Variants in SLC44A5 observed in about 807,000 individuals in gnomAD.
The protein encoded by SLC44A5 is solute carrier family 44 member 5.
SLC44A5 carries 57 observed loss-of-function variants against 101.8 expected under a neutral mutation model. The observed-to-expected ratio is 0.56, with a 90% CI of 0.45 to 0.70. SLC44A5 has a LOEUF of 0.70. SLC44A5 is among the 30% of genes least tolerant of loss of function. The pLI, the probability that SLC44A5 is intolerant of heterozygous loss-of-function variation, is 0.00. For synonymous variants in SLC44A5, 281 were observed against 290.9 expected (o/e 0.97, Z 0.35); for missense variants, 737 against 853.1 (o/e 0.86, Z 1.70).
chr1:75,500,141 A>G (rs1452997262), intron 2 of SLC44A5, among the ~76,000 whole-genome samples: 1 of 152,196 alleles, frequency 6.6e-6, no homozygotes, highest in Non-Finnish European at 1.5e-5. Flanking sequence ...TTGTGAACCC[A>G]ATATTGCTAT....
chr1:75,629,399 GAAAT>G, the SLC44A5 span, among the ~76,000 whole-genome samples: 1 of 152,174 alleles, frequency 6.6e-6, no homozygotes, highest in Non-Finnish European at 1.5e-5. Flanking sequence ...TTGATTAGAA[GAAAT>G]AATCCAAAGC....
rs184919148 is a variant in SLC44A5 at position 75,238,194 on chromosome 1, C to T, written c.656+319G>A. Among the ~76,000 whole-genome samples, 435 of 148,170 alleles carry T rather than the reference C, an allele frequency of 2.9e-3. 3 individuals are homozygous for T. Among genetic ancestry groups the T allele is most frequent in the African/African-American group, 9.8e-3 (397 of 40,370 alleles). On this transcript the variant is annotated intron_variant, in intron 10 of 23. Coordinates refer to ENST00000370859, the MANE Select transcript of SLC44A5 (RefSeq NM_001130058.2). ...TTTTAAATCCCAGCTAGTCAGGAGGCTGGGGAAGGAGAATTGCTTGAACCG... is the reference window on the plus strand; with the variant it reads ...TTTTAAATCCCAGCTAGTCAGGAGGTTGGGGAAGGAGAATTGCTTGAACCG...
the SLC44A5 span, among the ~76,000 whole-genome samples, chr1:75,721,535 C>A: frequency 2.0e-5 from 3 of 152,210 alleles, no homozygotes; most frequent in Admixed American, 2.0e-4. Flanking sequence ...TGGCTTACAC[C>A]ATCACCAATA....
At chr1:75,650,786 A>AT in the SLC44A5 span, among the ~76,000 whole-genome samples, 1 of 152,026 alleles carries the variant, frequency 6.6e-6, no homozygotes, top group African/African-American at 2.4e-5. Flanking sequence ...CACCCAGCTA[A>AT]TTTTTTTGTT....
chr1:75,344,929 G>T (rs965996615), intron 3 of SLC44A5, among the ~76,000 whole-genome samples: 9 of 152,088 alleles, frequency 5.9e-5, no homozygotes, highest in Non-Finnish European at 1.2e-4. Context: ...GGGCAGAAAT[G>T]AGATCTTGGT....
chr1:75,203,943 T>G (rs72682003), intron 23 of SLC44A5, 110 bp from the exon 24 acceptor site: 4,082 of 380,324 alleles, frequency 0.011, 65 homozygotes, highest in African/African-American at 0.049. Flanking sequence ...TTTTGTTGTT[T>G]TTTTTTTGTT....
chr1:75,321,535 A>G (rs1656149643), intron 4 of SLC44A5, among the ~76,000 whole-genome samples: 1 of 151,780 alleles, frequency 6.6e-6, no homozygotes, highest in Admixed American at 6.6e-5. Context: ...TGAGGTCACC[A>G]CCCTTGTGAT....
At chr1:75,670,964 A>C in the SLC44A5 span, among the ~76,000 whole-genome samples, 1 of 152,218 alleles carries the variant, frequency 6.6e-6, no homozygotes, top group East Asian at 1.9e-4. Context: ...AGAAGTTTAT[A>C]CTCACACATC....
intron 23 of SLC44A5, chr1:75,206,609 A>C (rs763575359): frequency 1.9e-6 from 3 of 1,588,556 alleles, no homozygotes; most frequent in Non-Finnish European, 2.6e-6. Context: ...GAGCTTTTCT[A>C]CTCTTTCTGC....
intron 1 of SLC44A5, among the ~76,000 whole-genome samples, chr1:75,546,549 T>C (rs975660687): frequency 2.6e-5 from 4 of 152,114 alleles, no homozygotes; most frequent in Non-Finnish European, 5.9e-5. Flanking sequence ...TTTAAACCTA[T>C]TTTTAAATTT....
intron 7 of SLC44A5, among the ~76,000 whole-genome samples, chr1:75,244,059 C>A (rs1648894970): frequency 6.6e-6 from 1 of 152,060 alleles, no homozygotes; most frequent in Non-Finnish European, 1.5e-5. Flanking sequence ...AAGCTGAAGC[C>A]CTCAACAGAA....
intron 1 of SLC44A5, among the ~76,000 whole-genome samples, chr1:75,603,822 T>C (rs1675157800): frequency 7.1e-6 from 1 of 140,264 alleles, no homozygotes; most frequent in Non-Finnish European, 1.5e-5. Context: ...TTGAGAACTG[T>C]CCATTCATGT....
At chr1:75,675,571 T>C in the SLC44A5 span, among the ~76,000 whole-genome samples, 3 of 152,158 alleles carry the variant, frequency 2.0e-5, no homozygotes, top group South Asian at 4.1e-4. Flanking sequence ...GATTAAAGAC[T>C]TAAATATAAA....
At chr1:75,604,951 C>G (rs1321131782) in intron 1 of SLC44A5, among the ~76,000 whole-genome samples, 2 of 151,896 alleles carry the variant, frequency 1.3e-5, no homozygotes, top group East Asian at 1.9e-4. Flanking sequence ...GATAGTTTGA[C>G]TTCTTCTTTT....
the SLC44A5 span, among the ~76,000 whole-genome samples, chr1:75,646,830 A>T: frequency 9.9e-5 from 15 of 152,266 alleles, no homozygotes; most frequent in Admixed American, 2.0e-4. Flanking sequence ...TGAGAGAGAT[A>T]ATTTAGGGTA....
At chr1:75,682,358 T>C in the SLC44A5 span, among the ~76,000 whole-genome samples, 2 of 151,866 alleles carry the variant, frequency 1.3e-5, no homozygotes, top group Non-Finnish European at 1.5e-5. Context: ...CAAACTATAC[T>C]ACAAGGCTAC....
intron 1 of SLC44A5, among the ~76,000 whole-genome samples, chr1:75,594,666 T>C (rs1674537265): frequency 6.6e-6 from 1 of 151,964 alleles, no homozygotes; most frequent in Non-Finnish European, 1.5e-5. Flanking sequence ...AATTAATATT[T>C]TCAAATTTTC....
At chr1:75,214,797 C>G in intron 19 of SLC44A5, 119 bp from the exon 20 acceptor site, 2 of 731,844 alleles carry the variant, frequency 2.7e-6, no homozygotes. Flanking sequence ...GCTATCTCCA[C>G]TCTTTTTTCT....
rs1660749514 is a variant in SLC44A5, at chr1:75,378,243, T to A, written c.52+18340A>T. On this transcript the variant is annotated intron_variant, in intron 3 of 23. Transcript: ENST00000370859. Reference sequence around the variant, plus strand: ...ATTAAAAGTAAATATGCCTCTTATCTCAGCTTTATTAAAATTCTTTTAAAA... The same window carrying A: ...ATTAAAAGTAAATATGCCTCTTATCACAGCTTTATTAAAATTCTTTTAAAA... Among the ~76,000 whole-genome samples the A allele has an allele frequency of 2.6e-5, 2 of 75,934 alleles. 1 individual carries two copies. The highest frequency in any genetic ancestry group is 1.8e-4 in the African/African-American group (2 of 10,874). The allele number at this position is 75,934 out of a possible 152,430, so 49.8% of individuals were successfully genotyped here.
Sources: gnomAD v4.1 joint callset for allele counts (sites outside exome capture counted in the v4.1 genomes callset) on GRCh38, gnomAD v4.1.1 for gene constraint, MANE v1.5 for transcripts, NCBI Gene and HGNC (gene_info 2026-07-23, HGNC 2026-07-21) for gene names.